RSU1: variants seen among roughly 807,000 people sequenced by gnomAD.
The protein encoded by RSU1 is rsu-1.
In RSU1, 26 loss-of-function variants were observed where a neutral mutation model predicts 31.1. That is an observed-to-expected ratio of 0.84 (90% CI 0.61 to 1.16). The LOEUF is 1.16. Ranked by LOEUF, RSU1 falls within the 50% of genes most tolerant of loss-of-function variation. RSU1 has a pLI of 0.00. For synonymous variants in RSU1, 164 were observed against 136.3 expected (o/e 1.20, Z -1.41); for missense variants, 320 against 339.1 (o/e 0.94, Z 0.44).
chr10:16,759,050 C>T (rs1405072039), intron 4 of RSU1, among the ~76,000 whole-genome samples: 1 of 152,098 alleles, frequency 6.6e-6, no homozygotes, highest in Non-Finnish European at 1.5e-5. Context: ...CTTCTAAAGC[C>T]CCAGAAAGGT....
chr10:16,722,219 T>C (rs894400106), intron 7 of RSU1, among the ~76,000 whole-genome samples: 4 of 152,224 alleles, frequency 2.6e-5, no homozygotes, highest in Admixed American at 2.6e-4. Flanking sequence ...TATGCATGTA[T>C]CAGAAAAACA....
At position 16,593,338 on chromosome 10, in the gene RSU1, G is replaced by C; in HGVS notation, c.*56C>G. On this transcript the variant is annotated 3_prime_UTR_variant, in exon 9 of 9. Transcript: ENST00000345264. ...TTTATTTGAGAGACAGGGCAAGAGA[G>C]AATGAAGTGTTGGAGAGAGAAGGTG... 6.2e-7 allele frequency: 1 copy of C among 1,612,670 alleles called. No individual in the cohort carries two copies. Among genetic ancestry groups the C allele is most frequent in the East Asian group, 2.2e-5 (1 of 44,840 alleles).
intron 7 of RSU1, among the ~76,000 whole-genome samples, chr10:16,751,379 G>A (rs1836976950): frequency 6.6e-6 from 1 of 152,190 alleles, no homozygotes; most frequent in Admixed American, 6.5e-5. Context: ...AATGGCAAGA[G>A]AGGAGGCGGG....
At chr10:16,764,607 A>G in intron 3 of RSU1, 97 bp from the exon 4 acceptor site, 2 of 1,329,410 alleles carry the variant, frequency 1.5e-6, no homozygotes, top group Non-Finnish European at 2.1e-6. Context: ...GCAAAGAAAG[A>G]CATAACTTCA....
At chr10:16,665,680 AT>A (rs531017896) in intron 8 of RSU1, among the ~76,000 whole-genome samples, 63 of 152,248 alleles carry the variant, frequency 4.1e-4, no homozygotes, top group Admixed American at 9.8e-4. Flanking sequence ...AAAAAACTGC[AT>A]TTTTTTCCCC....
intron 8 of RSU1, among the ~76,000 whole-genome samples, chr10:16,597,490 C>G (rs1365268239): frequency 2.0e-5 from 3 of 152,176 alleles, no homozygotes; most frequent in Non-Finnish European, 2.9e-5. Context: ...GGCAAATGAT[C>G]AGCAATGTTT....
rs976156635 is a variant in RSU1, at chr10:16,737,114, C to T, written c.598+15425G>A. 4.8e-4 allele frequency among the ~76,000 whole-genome samples: 73 copies of T among 151,510 alleles called. 1 individual carries two copies. The highest frequency in any genetic ancestry group is 1.8e-3 in the African/African-American group (73 of 41,294). ...CTGTGGAAGATATCAAGTGATCTAA[C>T]ACAAGAGTAATGTAAGTTCTAGGAG... On this transcript the variant is annotated intron_variant, in intron 7 of 8. Coordinates refer to ENST00000345264, the MANE Select transcript of RSU1 (RefSeq NM_012425.4).
At chr10:16,706,042 T>C (rs1474017686) in intron 7 of RSU1, among the ~76,000 whole-genome samples, 2 of 152,220 alleles carry the variant, frequency 1.3e-5, no homozygotes, top group Non-Finnish European at 2.9e-5. Context: ...CATTCATCTG[T>C]TGATGTACAC....
intron 7 of RSU1, among the ~76,000 whole-genome samples, chr10:16,709,484 G>A (rs1292377125): frequency 2.0e-5 from 3 of 152,156 alleles, no homozygotes; most frequent in African/African-American, 7.2e-5. Context: ...ATAGCAGCAT[G>A]ATTTATAGTC....
At chr10:16,603,144 T>C (rs761384674) in intron 8 of RSU1, among the ~76,000 whole-genome samples, 2 of 152,192 alleles carry the variant, frequency 1.3e-5, no homozygotes, top group African/African-American at 2.4e-5. Flanking sequence ...CTGCTTTCTG[T>C]TCCCAACATA....
chr10:16,730,193 G>A (rs1588499052), intron 7 of RSU1, among the ~76,000 whole-genome samples: 1 of 152,234 alleles, frequency 6.6e-6, no homozygotes, highest in African/African-American at 2.4e-5. Flanking sequence ...AGACCTCACT[G>A]GTTACCATGA....
chr10:16,745,746 C>G (rs752979818), intron 7 of RSU1, among the ~76,000 whole-genome samples: 7 of 152,182 alleles, frequency 4.6e-5, no homozygotes, highest in Admixed American at 6.5e-5. Context: ...ATATCAATAT[C>G]TGAAGGTCAC....
intron 3 of RSU1, among the ~76,000 whole-genome samples, chr10:16,764,990 G>T (rs28736547): frequency 6.7e-6 from 1 of 150,330 alleles, no homozygotes; most frequent in Non-Finnish European, 1.5e-5. Flanking sequence ...GCTAATGGGG[G>T]GGGAGAAACA....
intron 8 of RSU1, among the ~76,000 whole-genome samples, chr10:16,672,829 T>C (rs1345835787): frequency 6.6e-6 from 1 of 152,188 alleles, no homozygotes; most frequent in African/African-American, 2.4e-5. Flanking sequence ...TTTACAGATG[T>C]ATATATTTAT....
chr10:16,687,614 A>G (rs1835462944), intron 8 of RSU1, among the ~76,000 whole-genome samples: 1 of 152,212 alleles, frequency 6.6e-6, no homozygotes, highest in Non-Finnish European at 1.5e-5. Context: ...CATCCTCTGT[A>G]TTCCTCCTGT....
intron 7 of RSU1, among the ~76,000 whole-genome samples, chr10:16,743,886 TTTGGGAGGACAAG>T (rs1490493360): frequency 2.0e-5 from 3 of 152,008 alleles, no homozygotes; most frequent in Non-Finnish European, 2.9e-5. Flanking sequence ...ATCCTAACAT[TTTGGGAGGACAAG>T]GTGGAAGGAC....
chr10:16,745,036 T>C (rs1054036063), intron 7 of RSU1, among the ~76,000 whole-genome samples: 13 of 152,192 alleles, frequency 8.5e-5, no homozygotes, highest in Non-Finnish European at 1.3e-4. Context: ...TGTTGTTTCT[T>C]TCTCACTAGG....
At chr10:16,709,006 T>C (rs530665412) in intron 7 of RSU1, among the ~76,000 whole-genome samples, 1 of 152,098 alleles carries the variant, frequency 6.6e-6, no homozygotes, top group East Asian at 1.9e-4. Context: ...TGGTTTTTTT[T>C]TTTTAATTAT....
At chr10:16,644,515 G>A (rs1319860479) in intron 8 of RSU1, among the ~76,000 whole-genome samples, 1 of 152,184 alleles carries the variant, frequency 6.6e-6, no homozygotes, top group Non-Finnish European at 1.5e-5. Context: ...GACTTTACAT[G>A]TTACGGAAGA....
Sources: allele counts gnomAD v4.1 joint callset (sites outside exome capture counted in the v4.1 genomes callset), GRCh38; gene constraint gnomAD v4.1.1; transcripts MANE v1.5; gene names NCBI Gene and HGNC (gene_info 2026-07-23, HGNC 2026-07-21).